ZMYM1: variants seen among roughly 807,000 people sequenced by gnomAD.
ZMYM1 encodes the protein zinc finger MYM-type containing 1, also known as zinc finger MYM-type protein 1.
A neutral mutation model predicts 60.0 loss-of-function variants in ZMYM1; 39 were observed. The observed-to-expected ratio is 0.65, with a 90% CI of 0.50 to 0.85. ZMYM1 has a LOEUF of 0.85. ZMYM1 is among the 40% of genes least tolerant of loss of function. The probability of loss-of-function intolerance (pLI) is 0.00; values close to 1 mark genes in which losing one functional copy is unlikely to be tolerated. For synonymous variants in ZMYM1, 413 were observed against 454.0 expected (o/e 0.91, Z 1.15); for missense variants, 1,171 against 1,309.5 (o/e 0.89, Z 1.63).
At chr1:35,085,881 C>CA (rs2148496390) in intron 1 of ZMYM1, among the ~76,000 whole-genome samples, 1 of 152,266 alleles carries the variant, frequency 6.6e-6, no homozygotes, top group Admixed American at 6.5e-5. Flanking sequence ...AATGGAAGCC[C>CA]ACATACTCTG....
At chr1:35,069,539 C>G (rs1642032944) in intron 1 of ZMYM1, among the ~76,000 whole-genome samples, 1 of 152,112 alleles carries the variant, frequency 6.6e-6, no homozygotes, top group Non-Finnish European at 1.5e-5. Context: ...TATAGATTGT[C>G]TTTCTTCACT....
chr1:35,067,607 G>C (rs773410931), intron 1 of ZMYM1, among the ~76,000 whole-genome samples: 54 of 152,244 alleles, frequency 3.5e-4, no homozygotes, highest in Admixed American at 7.9e-4. Context: ...GGGTGCAGTG[G>C]CTCACTCCTG....
chr1:35,061,594 G>A (rs1423364528), intron 1 of ZMYM1, among the ~76,000 whole-genome samples: 1 of 151,626 alleles, frequency 6.6e-6, no homozygotes. Context: ...GGCTAACATG[G>A]TGAAACCCCG....
At chr1:35,097,827 T>C (rs907247186) in intron 4 of ZMYM1, among the ~76,000 whole-genome samples, 1 of 152,044 alleles carries the variant, frequency 6.6e-6, no homozygotes, top group African/African-American at 2.4e-5. Flanking sequence ...TATTTTTTAG[T>C]AGAGATGGGG....
At chr1:35,117,018 T>C (rs939057462), downstream of ZMYM1, among the ~76,000 whole-genome samples, 1 of 150,200 alleles carries the variant, frequency 6.7e-6, no homozygotes, top group Non-Finnish European at 1.5e-5. Context: ...TAATTTTTTG[T>C]ATTTTTAGTA....
At chr1:35,089,979 ACTGCAAGCTCCG>A (rs1642905381) in intron 1 of ZMYM1, among the ~76,000 whole-genome samples, 1 of 146,364 alleles carries the variant, frequency 6.8e-6, no homozygotes, top group African/African-American at 2.6e-5. Flanking sequence ...ATCTCGGCTC[ACTGCAAGCTCCG>A]CCTCCCGGGC....
chr1:35,108,093 C>T (rs770815885), intron 6 of ZMYM1, among the ~76,000 whole-genome samples: 1 of 152,036 alleles, frequency 6.6e-6, no homozygotes, highest in East Asian at 1.9e-4. Context: ...GCCTGGACAA[C>T]AGAGCAAGAC....
At chr1:35,067,628 A>T (rs1208225420) in intron 1 of ZMYM1, among the ~76,000 whole-genome samples, 3 of 151,914 alleles carry the variant, frequency 2.0e-5, no homozygotes, top group Non-Finnish European at 4.4e-5. Context: ...TGGTCCTGGC[A>T]TTTTGGGAGG....
At chr1:35,115,874 CT>C (rs1245673592), downstream of ZMYM1, 2 of 152,150 alleles carry the variant, frequency 1.3e-5, no homozygotes, top group African/African-American at 4.8e-5. Flanking sequence ...TTGATCTTTC[CT>C]AATCTCTTAC....
At chr1:35,081,142 G>A (rs149045363) in intron 1 of ZMYM1, among the ~76,000 whole-genome samples, 4,707 of 151,930 alleles carry the variant, frequency 0.031, 255 homozygotes, top group African/African-American at 0.1. Context: ...GGCCAGGCTG[G>A]TCTAGAACTC....
downstream of ZMYM1, among the ~76,000 whole-genome samples, chr1:35,118,578 G>A (rs1638555008): frequency 6.6e-6 from 1 of 152,046 alleles, no homozygotes; most frequent in Admixed American, 6.6e-5. Flanking sequence ...GCAGTGGTGG[G>A]TGCCTGTAGT....
chr1:35,063,268 A>G (rs1286867248), intron 1 of ZMYM1, among the ~76,000 whole-genome samples: 1 of 151,946 alleles, frequency 6.6e-6, no homozygotes. Context: ...CTGGGACTAC[A>G]GGAATGTGCC....
chr1:35,068,810 T>C (rs1299215929), intron 1 of ZMYM1, among the ~76,000 whole-genome samples: 1 of 152,026 alleles, frequency 6.6e-6, no homozygotes, highest in Non-Finnish European at 1.5e-5. Context: ...AATTCTTAGA[T>C]GTGACATCAA....
At chr1:35,060,104 C>G (rs891617179) in intron 1 of ZMYM1, among the ~76,000 whole-genome samples, 1 of 151,294 alleles carries the variant, frequency 6.6e-6, no homozygotes, top group African/African-American at 2.4e-5. Flanking sequence ...AAGTTTACAC[C>G]CTAGTAGAGA....
intron 4 of ZMYM1, among the ~76,000 whole-genome samples, chr1:35,099,679 G>T (rs924750630): frequency 6.6e-6 from 1 of 151,954 alleles, no homozygotes; most frequent in South Asian, 2.1e-4. Flanking sequence ...TTCTTCTGGG[G>T]TTTTTTTATC....
chr1:35,110,639 A>C (rs945479035), intron 7 of ZMYM1, among the ~76,000 whole-genome samples, 192 bp downstream of exon 7: 5 of 152,146 alleles, frequency 3.3e-5, no homozygotes, highest in African/African-American at 1.2e-4. Flanking sequence ...CCAGAGATTT[A>C]ATATTTGTAG....
At chr1:35,086,499 C>G (rs1415655851) in intron 1 of ZMYM1, among the ~76,000 whole-genome samples, 2 of 151,890 alleles carry the variant, frequency 1.3e-5, no homozygotes, top group African/African-American at 2.4e-5. Flanking sequence ...TAAATTTGTT[C>G]AACTCTGTCT....
intron 1 of ZMYM1, among the ~76,000 whole-genome samples, chr1:35,063,014 C>T (rs1332970553): frequency 6.6e-6 from 1 of 152,174 alleles, no homozygotes; most frequent in African/African-American, 2.4e-5. Flanking sequence ...GCTTTCTTGG[C>T]AGCTCTCCTC....
At chr1:35,093,032 A>G (rs1283705950) in intron 1 of ZMYM1, among the ~76,000 whole-genome samples, 1 of 152,246 alleles carries the variant, frequency 6.6e-6, no homozygotes, top group African/African-American at 2.4e-5. Context: ...AGCAGGTAAA[A>G]TAAGTATTTG....
Sources: allele counts gnomAD v4.1 joint callset (sites outside exome capture counted in the v4.1 genomes callset), GRCh38; gene constraint gnomAD v4.1.1; transcripts MANE v1.5; gene names NCBI Gene and HGNC (gene_info 2026-07-23, HGNC 2026-07-21).